TRIM71: variants seen among roughly 807,000 people sequenced by gnomAD.
The protein encoded by TRIM71 is E3 ubiquitin-protein ligase TRIM71.
In TRIM71, 9 loss-of-function variants were observed where a neutral mutation model predicts 61.2. The observed-to-expected ratio is 0.15, with a 90% CI of 0.09 to 0.26. The LOEUF is 0.26. TRIM71 is among the 10% of genes least tolerant of loss of function. The probability of loss-of-function intolerance (pLI) is 1.00; values close to 1 mark genes in which losing one functional copy is unlikely to be tolerated. For synonymous variants in TRIM71, 645 were observed against 553.2 expected, an observed-to-expected ratio of 1.17 and a Z score of -2.33; for missense variants, 998 against 1,238.7, an observed-to-expected ratio of 0.81 and a Z score of 2.92.
intron 2 of TRIM71, among the ~76,000 whole-genome samples, chr3:32,874,684 G>A (rs905604655): frequency 1.1e-4 from 16 of 151,062 alleles, no homozygotes; most frequent in African/African-American, 2.2e-4. Context: ...CACCACGCCC[G>A]GCTAATTTTT....
chr3:32,889,047 C>G (rs1696993820), intron 3 of TRIM71, among the ~76,000 whole-genome samples: 1 of 152,226 alleles, frequency 6.6e-6, no homozygotes, highest in Non-Finnish European at 1.5e-5. Flanking sequence ...TAGACACTGT[C>G]TTTCACATCC....
At chr3:32,858,950 T>C (rs76949639) in intron 1 of TRIM71, among the ~76,000 whole-genome samples, 2,575 of 152,246 alleles carry the variant, frequency 0.017, 63 homozygotes, top group East Asian at 0.12. Flanking sequence ...GGTCTGGCTT[T>C]TCCCATCTTT....
chr3:32,843,820 C>T (rs1167759430), intron 1 of TRIM71, among the ~76,000 whole-genome samples: 2 of 152,182 alleles, frequency 1.3e-5, no homozygotes, highest in Admixed American at 6.5e-5. Flanking sequence ...TGGGAAGGTG[C>T]AGAGCCGGCC....
rs183367775 is a variant in TRIM71 at position 32,870,836 on chromosome 3, C to T, written c.853-2982C>T. ...TGTTCTGTTGTTGTTGTTTGTTTTG[C>T]ACTCTTAGCCCGTGTTGCCTAGGCT... On this transcript the variant is annotated intron_variant, in intron 1 of 3. Transcript: ENST00000383763. Among the ~76,000 whole-genome samples the T allele has an allele frequency of 2.9e-3, 434 of 152,280 alleles. 2 individuals are homozygous for T. Among genetic ancestry groups the T allele is most frequent in the African/African-American group, 9.5e-3 (395 of 41,568 alleles).
In TRIM71 at chr3:32,882,596, G is replaced by A. The variant is rs190801032; in HGVS notation, c.1021-3338G>A. 1.5e-3 allele frequency among the ~76,000 whole-genome samples: 235 copies of A among 152,154 alleles called. 1 individual carries two copies. The highest frequency in any genetic ancestry group is 5.5e-3 in the African/African-American group (229 of 41,500). Reference sequence around the variant, plus strand: ...TCTTGCTCTGTCACCCAGGCTGGGGGGCGCGGTGGTGCAGTCACAGCTTGC... The same window carrying A: ...TCTTGCTCTGTCACCCAGGCTGGGGAGCGCGGTGGTGCAGTCACAGCTTGC... On this transcript the variant is annotated intron_variant, in intron 2 of 3. Transcript: ENST00000383763.
intron 1 of TRIM71, among the ~76,000 whole-genome samples, chr3:32,851,697 TCTAACTC>T (rs1207208100): frequency 6.6e-6 from 1 of 152,172 alleles, no homozygotes; most frequent in Admixed American, 6.5e-5. Context: ...CAGGCTGGTC[TCTAACTC>T]CTAATCTCAG....
intron 1 of TRIM71, among the ~76,000 whole-genome samples, chr3:32,839,113 A>G (rs944579075): frequency 6.6e-6 from 1 of 152,110 alleles, no homozygotes; most frequent in Non-Finnish European, 1.5e-5. Context: ...AGAAATCTAA[A>G]CTTACAAGGA....
chr3:32,859,061 C>A (rs1696637674), intron 1 of TRIM71, among the ~76,000 whole-genome samples: 1 of 152,124 alleles, frequency 6.6e-6, no homozygotes, highest in Non-Finnish European at 1.5e-5. Context: ...GCTTCGTGAC[C>A]TGCTCAGTCT....
At chr3:32,824,344 AT>A (rs1223973078) in intron 1 of TRIM71, among the ~76,000 whole-genome samples, 2 of 148,772 alleles carry the variant, frequency 1.3e-5, no homozygotes, top group South Asian at 4.2e-4. Flanking sequence ...TGTCCGGCTA[AT>A]TTTTTTTCTT....
chr3:32,841,655 G>A (rs1393533204), intron 1 of TRIM71, among the ~76,000 whole-genome samples: 1 of 152,116 alleles, frequency 6.6e-6, no homozygotes, highest in African/African-American at 2.4e-5. Context: ...CAGAGGCAGG[G>A]ATTGGTTAAT....
At chr3:32,834,735 C>T (rs944777093) in intron 1 of TRIM71, among the ~76,000 whole-genome samples, 5 of 151,926 alleles carry the variant, frequency 3.3e-5, no homozygotes, top group African/African-American at 7.3e-5. Flanking sequence ...CCAGCTACCC[C>T]GGATACCGAG....
chr3:32,873,076 C>T (rs1221735029), intron 1 of TRIM71, among the ~76,000 whole-genome samples: 1 of 139,090 alleles, frequency 7.2e-6, no homozygotes. Context: ...TCCCTCCCTC[C>T]CTCCCTCCCT....
Position 32,818,076 on chromosome 3 carries a change from T to G in TRIM71, c.-5T>G. ...GTCTCCTCCCTCCTCCGGGCTGGGT[T>G]GCAAATGGCTTCGTTCCCCGAGACC... On this transcript the variant is annotated 5_prime_UTR_variant, in exon 1 of 4. Coordinates refer to ENST00000383763, the MANE Select transcript of TRIM71 (RefSeq NM_001039111.3). The G allele has an allele frequency of 6.2e-7, 1 of 1,610,038 alleles. No homozygotes were observed. The highest frequency in any genetic ancestry group is 1.1e-5 in the South Asian group (1 of 91,022).
intron 1 of TRIM71, among the ~76,000 whole-genome samples, chr3:32,852,759 T>TTA (rs1553644840): frequency 7.5e-6 from 1 of 133,920 alleles, no homozygotes; most frequent in African/African-American, 2.9e-5. Flanking sequence ...TACTGTCTTT[T>TTA]AAAAAAAAAA....
At chr3:32,871,634 A>G (rs1422596014) in intron 1 of TRIM71, among the ~76,000 whole-genome samples, 3 of 152,234 alleles carry the variant, frequency 2.0e-5, no homozygotes, top group Non-Finnish European at 4.4e-5. Context: ...TATCCAGCTC[A>G]GCATCTTTTG....
chr3:32,843,641 A>G (rs953103645), intron 1 of TRIM71, among the ~76,000 whole-genome samples: 6 of 152,140 alleles, frequency 3.9e-5, no homozygotes, highest in Non-Finnish European at 8.8e-5. Context: ...AACTGTGTTT[A>G]ATCTTCCCCG....
chr3:32,833,926 T>C (rs1253099726), intron 1 of TRIM71, among the ~76,000 whole-genome samples: 2 of 152,212 alleles, frequency 1.3e-5, no homozygotes, highest in South Asian at 2.1e-4. Context: ...TTCTTCATTT[T>C]CCTAAAACAA....
chr3:32,820,641 G>C (rs1427780590), intron 1 of TRIM71, among the ~76,000 whole-genome samples: 3 of 152,150 alleles, frequency 2.0e-5, no homozygotes, highest in Admixed American at 6.5e-5. Flanking sequence ...TTAAATGTCA[G>C]TTTATATTTC....
intron 1 of TRIM71, among the ~76,000 whole-genome samples, chr3:32,848,308 C>T (rs1248526676): frequency 6.6e-6 from 1 of 152,218 alleles, no homozygotes; most frequent in Non-Finnish European, 1.5e-5. Context: ...GTGTGCATTT[C>T]TTTCTGCCCT....
Sources: allele counts gnomAD v4.1 joint callset (sites outside exome capture counted in the v4.1 genomes callset), GRCh38; gene constraint gnomAD v4.1.1; transcripts MANE v1.5; gene names NCBI Gene and HGNC (gene_info 2026-07-23, HGNC 2026-07-21).